The following PTPN4 variants were observed in gnomAD, a reference collection of about 807,000 sequenced individuals.
PTPN4 encodes tyrosine-protein phosphatase non-receptor type 4.
PTPN4 carries 49 observed loss-of-function variants against 135.5 expected under a neutral mutation model. The ratio of observed to expected loss-of-function variants is 0.36; its 90% confidence interval spans 0.29 to 0.46. The LOEUF (loss-of-function observed/expected upper bound fraction) is 0.46, where lower values mean the gene tolerates loss of function less well. PTPN4 is among the 20% of genes least tolerant of loss of function. PTPN4 has a pLI of 1.00. For missense variants in PTPN4, 860 were observed against 1,101.0 expected, an observed-to-expected ratio of 0.78 and a Z score of 3.10; for synonymous variants, 333 against 369.9, an observed-to-expected ratio of 0.90 and a Z score of 1.14.
chr2:119,869,988 T>G lies in PTPN4; in HGVS notation c.247-7335T>G, dbSNP rs184388805. Among the ~76,000 whole-genome samples the G allele has an allele frequency of 4.8e-4, 73 of 152,318 alleles. No individual in the cohort carries two copies. In the East Asian group the frequency reaches 0.014, roughly 29 times the overall value. ...AGAAACTATTTGAGGCCACTTGGCC[T>G]CCTCTTTTCCCCATTTCTAATTGAA... On this transcript the variant is annotated intron_variant, in intron 3 of 26. Transcript: ENST00000263708.
intron 1 of PTPN4, among the ~76,000 whole-genome samples, chr2:119,804,741 C>G (rs1206781165): frequency 6.6e-6 from 1 of 152,130 alleles, no homozygotes; most frequent in Admixed American, 6.5e-5. Flanking sequence ...AACAAACATA[C>G]ACGTGTATGT....
intron 10 of PTPN4, among the ~76,000 whole-genome samples, chr2:119,909,677 G>C (rs964930233): frequency 1.3e-5 from 2 of 152,126 alleles, no homozygotes; most frequent in African/African-American, 4.8e-5. Context: ...GGAAAAGTAA[G>C]TTGAAAACCT....
rs528655471 is a variant in PTPN4 at position 119,900,956 on chromosome 2, C to T, written c.764+150C>T. On this transcript the variant is annotated intron_variant, in intron 10 of 26. Transcript: ENST00000263708. ...CTTTATCCCACTTAGTTAGCACCTA[C>T]CAGAAGACACCAAAATGGTTTATTT... 3 of 419,238 alleles carry T rather than the reference C, an allele frequency of 7.2e-6. No homozygotes were observed. In the East Asian group the frequency reaches 1.1e-4, roughly 16 times the overall value. The allele number at this position is 419,238 out of a possible 1,614,324, so 26.0% of individuals were successfully genotyped here.
intron 15 of PTPN4, among the ~76,000 whole-genome samples, chr2:119,935,389 G>T (rs1374556372): frequency 6.6e-6 from 1 of 152,220 alleles, no homozygotes; most frequent in African/African-American, 2.4e-5. Flanking sequence ...TAGGTAAGAA[G>T]ATTTATTTCT....
intron 1 of PTPN4, among the ~76,000 whole-genome samples, chr2:119,789,181 G>C (rs1691096277): frequency 6.6e-6 from 1 of 151,642 alleles, no homozygotes; most frequent in African/African-American, 2.4e-5. Flanking sequence ...AATGATTAGT[G>C]ATATTGAGCA....
chr2:119,861,404 C>G (rs1367416299), intron 2 of PTPN4, among the ~76,000 whole-genome samples: 1 of 152,130 alleles, frequency 6.6e-6, no homozygotes, highest in African/African-American at 2.4e-5. Context: ...CAAACTCAAA[C>G]CATTGCACAT....
chr2:119,917,462 G>A (rs550966454), intron 11 of PTPN4, among the ~76,000 whole-genome samples: 3 of 152,246 alleles, frequency 2.0e-5, no homozygotes, highest in South Asian at 4.1e-4. Context: ...GGCCAGGTGC[G>A]GTGGCTCACG....
At chr2:119,787,056 G>A (rs993446284) in intron 1 of PTPN4, among the ~76,000 whole-genome samples, 6 of 152,178 alleles carry the variant, frequency 3.9e-5, no homozygotes, top group African/African-American at 1.2e-4. Context: ...AGGCTAATAG[G>A]AAACTCGTGA....
chr2:119,794,781 A>G (rs1192452398), intron 1 of PTPN4, among the ~76,000 whole-genome samples: 1 of 151,954 alleles, frequency 6.6e-6, no homozygotes, highest in African/African-American at 2.4e-5. Context: ...AGCTCTTTTA[A>G]GCCTGCCATT....
intron 2 of PTPN4, among the ~76,000 whole-genome samples, chr2:119,824,278 T>C (rs1677113913): frequency 6.6e-6 from 1 of 152,160 alleles, no homozygotes; most frequent in African/African-American, 2.4e-5. Flanking sequence ...TTCTACTCTT[T>C]TTGGGGGGGA....
intron 1 of PTPN4, among the ~76,000 whole-genome samples, chr2:119,788,804 A>G (rs1444365881): frequency 6.6e-6 from 1 of 152,140 alleles, no homozygotes; most frequent in Non-Finnish European, 1.5e-5. Flanking sequence ...TGGATATACC[A>G]TATTTTGCTT....
intron 26 of PTPN4, among the ~76,000 whole-genome samples, chr2:119,974,545 A>G (rs1013980086): frequency 6.6e-6 from 1 of 151,970 alleles, no homozygotes; most frequent in Non-Finnish European, 1.5e-5. Flanking sequence ...AGATTGTCCT[A>G]TTTTTGGCCA....
Position 119,967,209 on chromosome 2 carries a change from G to A in PTPN4, c.2559-628G>A, listed in dbSNP as rs573107649. 3.9e-5 allele frequency among the ~76,000 whole-genome samples: 6 copies of A among 152,330 alleles called. No individual in the cohort carries two copies. The South Asian group carries it at 1.2e-3, about 32-fold the overall frequency. ...GCCTGGAATCCCAGCATTCTGGGAG[G>A]CTGAGGCGGGCAGATCACCTGAGGT... On this transcript the variant is annotated intron_variant, in intron 25 of 26. Transcript: ENST00000263708.
At chr2:119,878,042 A>G (rs1678011427) in intron 5 of PTPN4, among the ~76,000 whole-genome samples, 1 of 152,150 alleles carries the variant, frequency 6.6e-6, no homozygotes, top group Admixed American at 6.5e-5. Flanking sequence ...AAAAAATATA[A>G]TGGAGTTTAT....
chr2:119,783,436 A>G (rs1449256762), intron 1 of PTPN4, among the ~76,000 whole-genome samples: 1 of 152,186 alleles, frequency 6.6e-6, no homozygotes, highest in African/African-American at 2.4e-5. Context: ...GTTGAGGTGG[A>G]GATTGCGGAA....
At chr2:119,950,058 G>A (rs189294576) in intron 18 of PTPN4, among the ~76,000 whole-genome samples, 1 of 152,236 alleles carries the variant, frequency 6.6e-6, no homozygotes, top group African/African-American at 2.4e-5. Context: ...GTTCCCTTTA[G>A]TGATAATGGA....
At chr2:119,795,295 G>C (rs545111394) in intron 1 of PTPN4, among the ~76,000 whole-genome samples, 1 of 152,376 alleles carries the variant, frequency 6.6e-6, no homozygotes, top group East Asian at 1.9e-4. Flanking sequence ...TCTGTGGCTT[G>C]AAGGTGGGGC....
At chr2:119,903,081 G>C (rs758493848) in intron 10 of PTPN4, among the ~76,000 whole-genome samples, 1 of 152,152 alleles carries the variant, frequency 6.6e-6, no homozygotes, top group African/African-American at 2.4e-5. Flanking sequence ...CTAGGTCCTC[G>C]AGACTGTATC....
chr2:119,968,566 C>T (rs897950091), intron 26 of PTPN4, among the ~76,000 whole-genome samples: 20 of 152,138 alleles, frequency 1.3e-4, no homozygotes, highest in Middle Eastern at 6.8e-3. Context: ...CCGAGGCGGG[C>T]GGATCACGAG....
Sources: gnomAD v4.1 joint callset for allele counts (sites outside exome capture counted in the v4.1 genomes callset) on GRCh38, gnomAD v4.1.1 for gene constraint, MANE v1.5 for transcripts, NCBI Gene and HGNC (gene_info 2026-07-23, HGNC 2026-07-21) for gene names.